Variants in PDE3A observed in about 807,000 individuals in gnomAD.
PDE3A encodes cGMP-inhibited 3',5'-cyclic phosphodiesterase 3A.
In PDE3A, 43 loss-of-function variants were observed where a neutral mutation model predicts 98.3. That is an observed-to-expected ratio of 0.44 (90% CI 0.34 to 0.56). PDE3A has a LOEUF of 0.56. PDE3A is among the 20% of genes least tolerant of loss of function. The probability of loss-of-function intolerance (pLI) is 0.01; values close to 1 mark genes in which losing one functional copy is unlikely to be tolerated. For synonymous variants in PDE3A, 663 were observed against 567.9 expected, an observed-to-expected ratio of 1.17 and a Z score of -2.38; for missense variants, 1,427 against 1,440.7, an observed-to-expected ratio of 0.99 and a Z score of 0.15.
chr12:20,378,603 G>A (rs1943612937), intron 1 of PDE3A, among the ~76,000 whole-genome samples: 1 of 151,638 alleles, frequency 6.6e-6, no homozygotes, highest in Non-Finnish European at 1.5e-5. Flanking sequence ...ATACAAAGAA[G>A]CACATTTGGA....
chr12:20,407,179 C>T (rs1057045408), intron 1 of PDE3A, among the ~76,000 whole-genome samples: 9 of 152,184 alleles, frequency 5.9e-5, no homozygotes, highest in African/African-American at 2.2e-4. Context: ...AGTTACTTAG[C>T]ATCTCTGTGC....
rs1378440403 is a variant in PDE3A, at chr12:20,574,423, C to T, written c.1011+17713C>T. Among the ~76,000 whole-genome samples, 46 of 152,012 alleles carry T rather than the reference C, an allele frequency of 3.0e-4. 2 individuals carry two copies. The highest frequency in any genetic ancestry group is 3.0e-3 in the Admixed American group (46 of 15,232). On this transcript the variant is annotated intron_variant, in intron 2 of 15. Coordinates refer to ENST00000359062, the MANE Select transcript of PDE3A (RefSeq NM_000921.5). ...AGTCCACCACTGAATGTATACGTGACCTTAATGAGATATTTAACCTTTGGA... is the reference window on the plus strand; with the variant it reads ...AGTCCACCACTGAATGTATACGTGATCTTAATGAGATATTTAACCTTTGGA...
chr12:20,541,742 A>G (rs973543001), intron 1 of PDE3A, among the ~76,000 whole-genome samples: 3 of 152,110 alleles, frequency 2.0e-5, no homozygotes, highest in African/African-American at 7.2e-5. Flanking sequence ...CAAAAAAAGC[A>G]TTGGTTTTAT....
intron 1 of PDE3A, among the ~76,000 whole-genome samples, chr12:20,448,694 A>G (rs550917710): frequency 1.8e-4 from 28 of 151,748 alleles, no homozygotes; most frequent in African/African-American, 5.5e-4. Context: ...AAATTCACTA[A>G]AAAATTTTAT....
At chr12:20,630,242 C>A in intron 6 of PDE3A, 115 bp downstream of exon 6, 1 of 709,182 alleles carries the variant, frequency 1.4e-6, no homozygotes, top group Non-Finnish European at 2.5e-6. Context: ...TATTAGACAA[C>A]CAAGTATAGG....
chr12:20,534,797 T>A (rs2121199564), intron 1 of PDE3A, among the ~76,000 whole-genome samples: 1 of 152,352 alleles, frequency 6.6e-6, no homozygotes, highest in Non-Finnish European at 1.5e-5. Flanking sequence ...GGAAGTAAAT[T>A]ATACCTGTTG....
At chr12:20,370,409 G>GTTTTTTTTTTTTTTTTTTTTT (rs372135967) in intron 1 of PDE3A, 165 bp downstream of exon 1, 5 of 271,926 alleles carry the variant, frequency 1.8e-5, no homozygotes, top group South Asian at 2.4e-4. Flanking sequence ...TGTTTTTTTT[G>GTTTTTTTTTTTTTTTTTTTTT]TTTTTTTTTT....
In PDE3A at chr12:20,686,801, G is replaced by T. The variant is rs1945975875; in HGVS notation, c.*6530G>T. Among the ~76,000 whole-genome samples the T allele has an allele frequency of 6.6e-6, 1 of 152,134 alleles. No homozygotes were observed. Among genetic ancestry groups the T allele is most frequent in the Admixed American group, 6.6e-5 (1 of 15,252 alleles). On this transcript the variant is annotated 3_prime_UTR_variant, in exon 16 of 16. Transcript: ENST00000359062. ...AGAATGGCCTTCGACTTAAGTTCTA[G>T]TTCCTCAAGCCTGCTTTCCTTGTAA...
chr12:20,369,929 C>G lies in PDE3A; in HGVS notation c.645C>G (p.Ile215Met). 2 of 1,613,474 alleles carry G rather than the reference C, an allele frequency of 1.2e-6. No homozygotes were observed. Among genetic ancestry groups the G allele is most frequent in the African/African-American group, 1.3e-5 (1 of 75,058 alleles). Residue 215 changes from isoleucine to methionine, a missense_variant, in exon 1 of 16, where the codon ATC becomes ATG. Physicochemically the swap from Ile to Met is conservative, Grantham distance 10. Around this residue, in one of 3 missense-constraint regions of PDE3A, gnomAD observed 1,012 missense variants for 886.5 expected, o/e 1.14. Transcript: ENST00000359062. ...GGCTGAGGCTGGGCGTCCTCATGAT[C>G]GCCTTGACTAGCGCGGTCAGGACCG... Reference protein sequence around the residue: ...VLRLRLGVLMIALTSAVRTVS... With the variant: ...VLRLRLGVLMMALTSAVRTVS...
At chr12:20,518,101 C>G (rs1946355350) in intron 1 of PDE3A, among the ~76,000 whole-genome samples, 1 of 152,130 alleles carries the variant, frequency 6.6e-6, no homozygotes, top group South Asian at 2.1e-4. Flanking sequence ...ATATTTTTAT[C>G]TCCCTAAGAA....
At position 20,369,988 on chromosome 12, in the gene PDE3A, C is replaced by T. The variant is rs970870158; in HGVS notation, c.704C>T (p.Ala235Val). Residue 235 changes from alanine (A) to valine (V), a missense_variant, in exon 1 of 16, where the codon GCC (alanine) becomes GTC (valine). Around this residue, in one of 3 missense-constraint regions of PDE3A, gnomAD observed 1,012 missense variants for 886.5 expected, o/e 1.14. Coordinates refer to ENST00000359062, the MANE Select transcript of PDE3A (RefSeq NM_000921.5). ...SLISLERFKV[A>V]WRPYLAYLAG... Reference sequence around the variant, plus strand: ...ATTTCCTTAGAGAGGTTCAAGGTCGCCTGGAGACCTTACCTGGCGTACCTG... The same window carrying T: ...ATTTCCTTAGAGAGGTTCAAGGTCGTCTGGAGACCTTACCTGGCGTACCTG... 3 of 1,613,176 alleles carry T rather than the reference C, an allele frequency of 1.9e-6. No homozygotes were observed. Among genetic ancestry groups the T allele is most frequent in the Non-Finnish European group, 2.5e-6 (3 of 1,179,998 alleles).
chr12:20,572,314 AT>A (rs756116838), intron 2 of PDE3A: 4 of 269,800 alleles, frequency 1.5e-5, no homozygotes, highest in Non-Finnish European at 2.8e-5. Flanking sequence ...TATTAAATGT[AT>A]TTTTAGTTAA....
At chr12:20,540,260 T>C (rs1389284339) in intron 1 of PDE3A, among the ~76,000 whole-genome samples, 2 of 152,124 alleles carry the variant, frequency 1.3e-5, no homozygotes, top group African/African-American at 4.8e-5. Context: ...TGGACTGGAT[T>C]ATTATAAAAG....
chr12:20,562,545 T>C (rs1328360580), intron 2 of PDE3A, among the ~76,000 whole-genome samples: 1 of 151,832 alleles, frequency 6.6e-6, no homozygotes, highest in Non-Finnish European at 1.5e-5. Context: ...TTTAAATGCT[T>C]AAAAACAGTA....
chr12:20,615,337 A>G (rs1253915056), intron 3 of PDE3A, among the ~76,000 whole-genome samples: 1 of 152,100 alleles, frequency 6.6e-6, no homozygotes, highest in Non-Finnish European at 1.5e-5. Context: ...AAGAAGGGGA[A>G]CAGCAGGTTG....
At chr12:20,518,109 G>T (rs1421862132) in intron 1 of PDE3A, among the ~76,000 whole-genome samples, 1 of 152,124 alleles carries the variant, frequency 6.6e-6, no homozygotes, top group Admixed American at 6.5e-5. Context: ...ATCTCCCTAA[G>T]AATGGGGAGA....
At chr12:20,393,092 T>C (rs1943948571) in intron 1 of PDE3A, among the ~76,000 whole-genome samples, 1 of 152,056 alleles carries the variant, frequency 6.6e-6, no homozygotes, top group South Asian at 2.1e-4. Flanking sequence ...AACAGTAATT[T>C]ATTTTATATT....
chr12:20,589,572 A>G (rs184150005), intron 2 of PDE3A, among the ~76,000 whole-genome samples: 54 of 152,220 alleles, frequency 3.5e-4, no homozygotes, highest in Admixed American at 9.2e-4. Context: ...GGGAGACTTA[A>G]AAATTAGTTC....
At chr12:20,409,394 T>G (rs1311003457) in intron 1 of PDE3A, among the ~76,000 whole-genome samples, 2 of 152,152 alleles carry the variant, frequency 1.3e-5, no homozygotes, top group African/African-American at 4.8e-5. Context: ...TTGTTATTAT[T>G]AGCTCTCTTA....
Sources: gnomAD v4.1 joint callset for allele counts (sites outside exome capture counted in the v4.1 genomes callset) on GRCh38, gnomAD v4.1.1 for gene constraint, gnomAD v4.1.1 regional missense constraint, MANE v1.5 for transcripts, NCBI Gene and HGNC (gene_info 2026-07-23, HGNC 2026-07-21) for gene names.